Variants in SDK1 observed in about 807,000 individuals in gnomAD.
SDK1 encodes sidekick cell adhesion molecule 1, also known as protein sidekick-1.
SDK1 carries 157 observed loss-of-function variants against 245.5 expected under a neutral mutation model. The observed-to-expected ratio is 0.64, with a 90% CI of 0.56 to 0.73. The LOEUF is 0.73. Among genes scored for constraint, SDK1 ranks in the 30% least tolerant of loss-of-function variants. The pLI is 0.00. For synonymous variants in SDK1, 1,647 were observed against 1,278.5 expected (o/e 1.29, Z -6.15); for missense variants, 3,583 against 3,002.3 (o/e 1.19, Z -4.52).
chr7:4,084,680 T>C (rs199598007), intron 22 of SDK1, among the ~76,000 whole-genome samples: 3 of 78,968 alleles, frequency 3.8e-5, no homozygotes, highest in South Asian at 4.7e-4. Context: ...TGTTACGTTA[T>C]GTTATGTTAT....
Position 3,723,658 on chromosome 7 carries a change from TTGTGTG to T in SDK1, c.713+81569_713+81574del, listed in dbSNP as rs139688945. On this transcript the variant is annotated intron_variant, in intron 4 of 44. Transcript: ENST00000404826. ...ATTTCATTCAGTTAGTAAGTAAAAGTTGTGTGTGTGTGTGTGTGTGTATACGTGTAT... is the reference window on the plus strand; with the variant it reads ...ATTTCATTCAGTTAGTAAGTAAAAGTTGTGTGTGTGTGTGTATACGTGTAT... 9.1e-4 allele frequency among the ~76,000 whole-genome samples: 122 copies of T among 134,190 alleles called. 3 individuals carry two copies. Among genetic ancestry groups the T allele is most frequent in the African/African-American group, 3.5e-3 (115 of 32,958 alleles). The allele number at this position is 134,190 out of a possible 152,430, so 88.0% of individuals were successfully genotyped here. A position where few individuals can be genotyped will look rare whatever the true frequency, so the allele number is the denominator to read the frequency against.
At chr7:3,943,642 G>C (rs1207735322) in intron 5 of SDK1, among the ~76,000 whole-genome samples, 1 of 151,604 alleles carries the variant, frequency 6.6e-6, no homozygotes, top group Non-Finnish European at 1.5e-5. Flanking sequence ...CCGTGGAAGG[G>C]GCGTTTTCCA....
Position 4,237,574 on chromosome 7 carries a change from A to G in SDK1, c.5993-73A>G, listed in dbSNP as rs1261059608. The G allele has an allele frequency of 1.3e-5, 20 of 1,574,152 alleles. No homozygotes were observed. In the South Asian group the frequency reaches 2.3e-4, roughly 18 times the overall value. On this transcript the variant is annotated intron_variant, in intron 41 of 44. Coordinates refer to ENST00000404826, the MANE Select transcript of SDK1 (RefSeq NM_152744.4). ...TCTACCCCAGCCTTCCCTGCCAACC[A>G]CCTGACTCGCGGGAGGTGACTGCAG...
chr7:3,625,830 G>A (rs1782099168), intron 2 of SDK1, among the ~76,000 whole-genome samples: 2 of 152,150 alleles, frequency 1.3e-5, no homozygotes, highest in African/African-American at 4.8e-5. Context: ...GAGGCAAAGT[G>A]ATGCCAGCTG....
chr7:3,999,414 A>G (rs1305791455), intron 14 of SDK1, among the ~76,000 whole-genome samples: 1 of 152,238 alleles, frequency 6.6e-6, no homozygotes, highest in Admixed American at 6.5e-5. Flanking sequence ...GGCGTCGGGT[A>G]GTATGTGATC....
intron 4 of SDK1, among the ~76,000 whole-genome samples, chr7:3,811,899 C>A (rs760865380): frequency 2.0e-5 from 3 of 152,222 alleles, no homozygotes; most frequent in African/African-American, 4.8e-5. Context: ...CTTTCAAAAG[C>A]TATCACTAGG....
At chr7:4,123,671 A>G (rs1488181478) in intron 25 of SDK1, among the ~76,000 whole-genome samples, 2 of 152,240 alleles carry the variant, frequency 1.3e-5, no homozygotes, top group African/African-American at 4.8e-5. Flanking sequence ...AACTGAATGA[A>G]TGACTCTCAA....
chr7:3,324,584 C>T (rs1202218997), intron 1 of SDK1, among the ~76,000 whole-genome samples: 1 of 152,032 alleles, frequency 6.6e-6, no homozygotes, highest in Non-Finnish European at 1.5e-5. Context: ...CTTTATCTTC[C>T]CTGTAATAGG....
At chr7:4,002,700 T>C (rs189892099) in intron 14 of SDK1, among the ~76,000 whole-genome samples, 7 of 152,254 alleles carry the variant, frequency 4.6e-5, no homozygotes, top group East Asian at 3.9e-4. Context: ...ACACAAAATA[T>C]ACATAAAATT....
intron 1 of SDK1, among the ~76,000 whole-genome samples, chr7:3,566,279 C>G (rs1414150294): frequency 7.1e-6 from 1 of 141,778 alleles, no homozygotes; most frequent in South Asian, 2.2e-4. Flanking sequence ...GGCTGGAGTG[C>G]AGTGGCGCGA....
intron 4 of SDK1, among the ~76,000 whole-genome samples, chr7:3,655,955 T>C (rs559270125): frequency 1.3e-5 from 2 of 152,254 alleles, no homozygotes; most frequent in East Asian, 3.9e-4. Flanking sequence ...GGTGCGTTTA[T>C]TTGATAAATT....
chr7:4,033,689 A>G (rs935645353), intron 17 of SDK1, among the ~76,000 whole-genome samples: 4 of 152,212 alleles, frequency 2.6e-5, no homozygotes, highest in African/African-American at 9.7e-5. Context: ...CAAATGGCCC[A>G]TAACCACAGG....
At chr7:3,325,581 A>G (rs1779921030) in intron 1 of SDK1, among the ~76,000 whole-genome samples, 1 of 152,156 alleles carries the variant, frequency 6.6e-6, no homozygotes, top group African/African-American at 2.4e-5. Context: ...TACAGACAAT[A>G]GGTTTATAAA....
At chr7:4,156,493 G>A (rs913893077) in intron 30 of SDK1, among the ~76,000 whole-genome samples, 2 of 152,206 alleles carry the variant, frequency 1.3e-5, no homozygotes, top group African/African-American at 4.8e-5. Context: ...GGTCTGAGAT[G>A]TGCCTGCGGT....
At chr7:4,215,762 G>A (rs989275681) in intron 38 of SDK1, among the ~76,000 whole-genome samples, 1 of 152,148 alleles carries the variant, frequency 6.6e-6, no homozygotes, top group Admixed American at 6.6e-5. Flanking sequence ...GTTGATTGTG[G>A]AGCACCTATT....
chr7:3,538,535 C>G (rs908507158), intron 1 of SDK1, among the ~76,000 whole-genome samples: 26 of 152,178 alleles, frequency 1.7e-4, no homozygotes, highest in African/African-American at 4.6e-4. Context: ...AGCAAATTAT[C>G]CTTATTTATG....
At chr7:3,668,596 G>A (rs1413321628) in intron 4 of SDK1, among the ~76,000 whole-genome samples, 1 of 152,128 alleles carries the variant, frequency 6.6e-6, no homozygotes, top group Non-Finnish European at 1.5e-5. Flanking sequence ...CAAGAGACCA[G>A]CCTGGCCAAT....
intron 7 of SDK1, 194 bp downstream of exon 7, chr7:3,952,114 T>A: frequency 1.7e-6 from 1 of 593,150 alleles, no homozygotes; most frequent in Non-Finnish European, 2.9e-6. Context: ...TCCAAAGTGT[T>A]GATGTTCTCA....
chr7:4,233,128 C>T lies in SDK1; in HGVS notation c.5828-127C>T, dbSNP rs886201577. 6.3e-5 allele frequency: 51 copies of T among 806,592 alleles called. No individual in the cohort carries two copies. In the Admixed American group the frequency reaches 8.1e-4, roughly 13 times the overall value. 50.0% of individuals were successfully genotyped at this position (806,592 alleles called of 1,614,324 possible). On this transcript the variant is annotated intron_variant, in intron 40 of 44. Coordinates refer to ENST00000404826, the MANE Select transcript of SDK1 (RefSeq NM_152744.4). ...CTCCGTCCCCATTCAGCACTCACTC[C>T]GCATCCAGTGCCCCTGATGCCTCAT...
Sources: allele counts gnomAD v4.1 joint callset (sites outside exome capture counted in the v4.1 genomes callset), GRCh38; gene constraint gnomAD v4.1.1; transcripts MANE v1.5; gene names NCBI Gene and HGNC (gene_info 2026-07-23, HGNC 2026-07-21).